Variants in SBF2 observed in about 807,000 individuals in gnomAD.
SBF2 encodes SET binding factor 2, also known as myotubularin-related protein 13.
A neutral mutation model predicts 225.2 loss-of-function variants in SBF2; 112 were observed. The observed-to-expected ratio is 0.50, with a 90% confidence interval of 0.43 to 0.58. The LOEUF is 0.58. Among genes scored for constraint, SBF2 ranks in the 20% least tolerant of loss-of-function variants. SBF2 has a pLI of 0.00. For missense variants in SBF2, 1,996 were observed against 2,206.2 expected (o/e 0.90, Z 1.91); for synonymous variants, 763 against 773.3 (o/e 0.99, Z 0.22).
At chr11:10,117,448 A>G (rs1163835360) in intron 2 of SBF2, among the ~76,000 whole-genome samples, 1 of 151,724 alleles carries the variant, frequency 6.6e-6, no homozygotes, top group African/African-American at 2.4e-5. Context: ...CTCAAAAAAA[A>G]AAAAAAAAAA....
At chr11:10,224,157 G>C (rs1308121483) in intron 1 of SBF2, among the ~76,000 whole-genome samples, 1 of 151,778 alleles carries the variant, frequency 6.6e-6, no homozygotes, top group Non-Finnish European at 1.5e-5. Context: ...AATATTTCTA[G>C]GCTATGCAGT....
At chr11:10,030,205 C>T (rs1460856443) in intron 4 of SBF2, among the ~76,000 whole-genome samples, 1 of 152,136 alleles carries the variant, frequency 6.6e-6, no homozygotes, top group African/African-American at 2.4e-5. Context: ...AATCTCAAGA[C>T]AAAAACTTAG....
At chr11:10,113,092 T>G (rs1008917828) in intron 2 of SBF2, among the ~76,000 whole-genome samples, 3 of 152,114 alleles carry the variant, frequency 2.0e-5, no homozygotes, top group Admixed American at 6.5e-5. Context: ...CTCCTGGGCT[T>G]AAGCGATCCT....
At chr11:10,076,529 T>C (rs1426583214) in intron 2 of SBF2, among the ~76,000 whole-genome samples, 1 of 151,964 alleles carries the variant, frequency 6.6e-6, no homozygotes, top group Admixed American at 6.6e-5. Flanking sequence ...CCAGGAGGGG[T>C]GTGGCCTGGG....
intron 2 of SBF2, among the ~76,000 whole-genome samples, chr11:10,093,173 T>C (rs912998258): frequency 4.0e-5 from 6 of 151,878 alleles, no homozygotes; most frequent in African/African-American, 1.4e-4. Context: ...CATCCCACCA[T>C]GCCTAGCTAA....
chr11:9,784,904 C>T, intron 37 of SBF2: 1 of 588,036 alleles, frequency 1.7e-6, no homozygotes, highest in South Asian at 2.0e-5. Flanking sequence ...CATCAGGACT[C>T]AACTACAAAT....
chr11:10,173,327 G>C (rs1235362156), intron 2 of SBF2, among the ~76,000 whole-genome samples: 1 of 152,206 alleles, frequency 6.6e-6, no homozygotes, highest in Non-Finnish European at 1.5e-5. Flanking sequence ...CCGAAGCAGG[G>C]CAAGGCATTG....
intron 16 of SBF2, among the ~76,000 whole-genome samples, chr11:9,904,054 TG>T: frequency 6.6e-6 from 1 of 152,094 alleles, no homozygotes; most frequent in African/African-American, 2.4e-5. Context: ...TCCTAGAGGG[TG>T]GGGGACAGCT....
chr11:10,223,436 T>C (rs908016837), intron 1 of SBF2, among the ~76,000 whole-genome samples: 82 of 125,314 alleles, frequency 6.5e-4, no homozygotes, highest in Non-Finnish European at 1.3e-3. Context: ...TATATATATA[T>C]ATATATAGTA....
In SBF2 at chr11:9,789,202, T is replaced by C. The variant is rs759504729; in HGVS notation, c.4839A>G (p.Gly1613=). 17 of 1,614,078 alleles carry C rather than the reference T, an allele frequency of 1.1e-5. No homozygotes were observed. In the Admixed American group the frequency reaches 2.3e-4, roughly 22 times the overall value. Residue 1613 remains glycine (G), a synonymous_variant, in exon 35 of 40, where the codon GGA becomes GGG. Transcript: ENST00000256190. The part of the protein sequence containing the change: ...HFPSEDSDLA[G]EAGPRSQRRT... The stretch of plus-strand genomic sequence containing the variant: ...TCCTCTGGCTCCGTGGCCCAGCTTC[T>C]CCAGCCAGGTCAGAGTCTTCGGAGG...
At chr11:9,969,175 C>T (rs2134390371) in intron 13 of SBF2, among the ~76,000 whole-genome samples, 1 of 152,268 alleles carries the variant, frequency 6.6e-6, no homozygotes, top group Middle Eastern at 3.4e-3. Context: ...TCTTTAATGC[C>T]ATTCTCTAAC....
intron 13 of SBF2, among the ~76,000 whole-genome samples, chr11:9,988,677 G>C (rs1947293358): frequency 6.6e-6 from 1 of 152,116 alleles, no homozygotes; most frequent in East Asian, 1.9e-4. Flanking sequence ...AATGATCAGG[G>C]AAATGCAGAT....
chr11:10,126,785 CT>C (rs1953775552), intron 2 of SBF2, among the ~76,000 whole-genome samples: 1 of 152,060 alleles, frequency 6.6e-6, no homozygotes, highest in South Asian at 2.1e-4. Context: ...AGTAATCCAA[CT>C]GTCCATCAAT....
chr11:9,850,356 A>C (rs1360824793), intron 21 of SBF2, 138 bp from the exon 22 acceptor site: 1 of 797,534 alleles, frequency 1.3e-6, no homozygotes, highest in Non-Finnish European at 2.1e-6. Context: ...CCTGGGCTCA[A>C]AAGATCCTCT....
intron 2 of SBF2, among the ~76,000 whole-genome samples, chr11:10,098,586 T>C (rs1341442212): frequency 6.6e-6 from 1 of 150,440 alleles, no homozygotes; most frequent in Non-Finnish European, 1.5e-5. Flanking sequence ...GAACTCATAA[T>C]AATTGTTTAA....
At chr11:10,224,789 A>G (rs1444982556) in intron 1 of SBF2, among the ~76,000 whole-genome samples, 1 of 152,090 alleles carries the variant, frequency 6.6e-6, no homozygotes, top group East Asian at 1.9e-4. Flanking sequence ...TTCCCTTTAT[A>G]GTACTTGTCA....
At chr11:10,012,467 C>CTA (rs1162751112) in intron 6 of SBF2, among the ~76,000 whole-genome samples, 1 of 152,176 alleles carries the variant, frequency 6.6e-6, no homozygotes, top group African/African-American at 2.4e-5. Flanking sequence ...ACTGTTCAAT[C>CTA]TATAATATCT....
At chr11:9,901,935 G>C (rs2134155994) in intron 16 of SBF2, among the ~76,000 whole-genome samples, 1 of 152,246 alleles carries the variant, frequency 6.6e-6, no homozygotes, top group East Asian at 1.9e-4. Context: ...CATGAAAACA[G>C]GTTTTTAAAA....
chr11:10,265,678 AAAT>A (rs1183371620), intron 1 of SBF2, among the ~76,000 whole-genome samples: 5 of 152,132 alleles, frequency 3.3e-5, no homozygotes, highest in Non-Finnish European at 5.9e-5. Context: ...GCACCTATGT[AAAT>A]AATAATAGCT....
Sources: allele counts gnomAD v4.1 joint callset (sites outside exome capture counted in the v4.1 genomes callset), GRCh38; gene constraint gnomAD v4.1.1; transcripts MANE v1.5; gene names NCBI Gene and HGNC (gene_info 2026-07-23, HGNC 2026-07-21).